Variants in C12orf42 observed in about 807,000 individuals in gnomAD.
The protein encoded by C12orf42 is chromosome 12 open reading frame 42, also known as uncharacterized protein C12orf42.
In C12orf42, 25 loss-of-function variants were observed where a neutral mutation model predicts 21.6. The ratio of observed to expected loss-of-function variants is 1.16; its 90% CI spans 0.84 to 1.62. The LOEUF (loss-of-function observed/expected upper bound fraction) is 1.62, where lower values mean the gene tolerates loss of function less well. Ranked by LOEUF, C12orf42 falls within the 40% of genes most tolerant of loss-of-function variation. The pLI, the probability that C12orf42 is intolerant of heterozygous loss-of-function variation, is 0.00. For missense variants in C12orf42, 483 were observed against 459.3 expected, an observed-to-expected ratio of 1.05 and a Z score of -0.47; for synonymous variants, 174 against 175.0, an observed-to-expected ratio of 0.99 and a Z score of 0.05.
chr12:103,078,519 C>G, the C12orf42 span, among the ~76,000 whole-genome samples: 1 of 152,176 alleles, frequency 6.6e-6, no homozygotes, highest in Non-Finnish European at 1.5e-5. Context: ...ATCTTTATCT[C>G]TTGAGAGTTC....
At chr12:103,119,127 T>A in the C12orf42 span, among the ~76,000 whole-genome samples, 1 of 152,228 alleles carries the variant, frequency 6.6e-6, no homozygotes, top group African/African-American at 2.4e-5. Flanking sequence ...TATAGTTAAA[T>A]GGTTAGGAGC....
the C12orf42 span, among the ~76,000 whole-genome samples, chr12:103,230,042 C>A: frequency 6.6e-6 from 1 of 152,210 alleles, no homozygotes; most frequent in Non-Finnish European, 1.5e-5. Flanking sequence ...TGCTGCAAAA[C>A]AAATTATTGG....
chr12:103,306,515 G>A (rs2038347687), intron 4 of C12orf42, among the ~76,000 whole-genome samples, 170 bp from the exon 5 acceptor site: 1 of 152,140 alleles, frequency 6.6e-6, no homozygotes, highest in South Asian at 2.1e-4. Flanking sequence ...GAAGAAGAGG[G>A]GAGGGTCTGG....
chr12:103,127,635 T>A, the C12orf42 span, among the ~76,000 whole-genome samples: 1 of 152,136 alleles, frequency 6.6e-6, no homozygotes, highest in Non-Finnish European at 1.5e-5. Flanking sequence ...AGGACATATT[T>A]TGTTTGTCAC....
chr12:103,364,821 C>T (rs116393163), intron 4 of C12orf42, among the ~76,000 whole-genome samples: 8 of 151,864 alleles, frequency 5.3e-5, no homozygotes, highest in East Asian at 1.9e-4. Flanking sequence ...TAACAAGCAG[C>T]GAGATTGAAA....
At chr12:103,210,960 G>A in the C12orf42 span, among the ~76,000 whole-genome samples, 407 of 152,100 alleles carry the variant, frequency 2.7e-3, 1 homozygote, top group Non-Finnish European at 4.9e-3. Flanking sequence ...CATCCAGCCC[G>A]GATGACAAAG....
intron 3 of C12orf42, among the ~76,000 whole-genome samples, chr12:103,377,431 C>T (rs892949824): frequency 1.3e-5 from 2 of 152,006 alleles, no homozygotes; most frequent in African/African-American, 2.4e-5. Flanking sequence ...GGTCCCTCAC[C>T]GTCAGAATGG....
the C12orf42 span, among the ~76,000 whole-genome samples, chr12:103,163,602 A>G: frequency 6.6e-6 from 1 of 152,172 alleles, no homozygotes; most frequent in Non-Finnish European, 1.5e-5. Flanking sequence ...CCAATTAATT[A>G]AAAAACAAAA....
At chr12:103,237,006 T>C (rs973005705), downstream of C12orf42, among the ~76,000 whole-genome samples, 3 of 152,142 alleles carry the variant, frequency 2.0e-5, no homozygotes, top group Admixed American at 2.0e-4. Flanking sequence ...CTGCAAAAGG[T>C]GCATTAATAT....
At chr12:103,400,543 T>G (rs1313664753) in intron 3 of C12orf42, among the ~76,000 whole-genome samples, 1 of 152,226 alleles carries the variant, frequency 6.6e-6, no homozygotes, top group East Asian at 1.9e-4. Flanking sequence ...AACACCATAT[T>G]GCAGGTGCCT....
intron 4 of C12orf42, among the ~76,000 whole-genome samples, chr12:103,329,253 A>G (rs967324409): frequency 6.6e-6 from 1 of 152,182 alleles, no homozygotes; most frequent in African/African-American, 2.4e-5. Flanking sequence ...TGCAGGGGCC[A>G]TATGTTTCTA....
At chr12:103,543,202 A>G in the C12orf42 span, among the ~76,000 whole-genome samples, 1 of 152,250 alleles carries the variant, frequency 6.6e-6, no homozygotes, top group African/African-American at 2.4e-5. Flanking sequence ...GAACTGCAAC[A>G]GAAATGCATA....
At chr12:103,444,403 T>C (rs1951450412) in intron 2 of C12orf42, among the ~76,000 whole-genome samples, 1 of 152,158 alleles carries the variant, frequency 6.6e-6, no homozygotes, top group Admixed American at 6.6e-5. Flanking sequence ...ACATCATTTA[T>C]TGTATAATTC....
chr12:103,465,512 A>C (rs1953051052), intron 2 of C12orf42, among the ~76,000 whole-genome samples: 1 of 152,114 alleles, frequency 6.6e-6, no homozygotes, highest in African/African-American at 2.4e-5. Context: ...AAAATGATGG[A>C]GTTTTCTAGA....
At chr12:103,309,758 A>C (rs1281406421) in intron 4 of C12orf42, among the ~76,000 whole-genome samples, 1 of 152,198 alleles carries the variant, frequency 6.6e-6, no homozygotes, top group African/African-American at 2.4e-5. Flanking sequence ...GACTGTAAAA[A>C]CTTGTAGCAA....
chr12:103,468,897 T>C (rs1953359060), intron 2 of C12orf42, among the ~76,000 whole-genome samples: 1 of 152,214 alleles, frequency 6.6e-6, no homozygotes, highest in Non-Finnish European at 1.5e-5. Flanking sequence ...TTCATGGTAA[T>C]TTGTTAATGT....
At chr12:103,518,537 G>A in the C12orf42 span, among the ~76,000 whole-genome samples, 1 of 152,096 alleles carries the variant, frequency 6.6e-6, no homozygotes, top group Non-Finnish European at 1.5e-5. Flanking sequence ...TCTTATATGG[G>A]TGGTCCCAAC....
intron 2 of C12orf42, among the ~76,000 whole-genome samples, chr12:103,468,493 C>T (rs1248677123): frequency 1.3e-5 from 2 of 152,180 alleles, no homozygotes; most frequent in African/African-American, 2.4e-5. Context: ...ATAATACATA[C>T]AAGTTGTAGC....
rs140175403 is a variant in C12orf42, at chr12:103,444,396, T to A, written c.78+33953A>T. Reference sequence around the variant, plus strand: ...AGTAAAATTAGAAGCATTTTAAACATCATTTATTGTATAATTCTGTCATCA... The same window carrying A: ...AGTAAAATTAGAAGCATTTTAAACAACATTTATTGTATAATTCTGTCATCA... On this transcript the variant is annotated intron_variant, in intron 2 of 5. Coordinates refer to ENST00000548883, the MANE Select transcript of C12orf42 (RefSeq NM_198521.5). Among the ~76,000 whole-genome samples, 834 of 152,242 alleles carry A rather than the reference T, an allele frequency of 5.5e-3. 10 individuals are homozygous for A. Among genetic ancestry groups the A allele is most frequent in the African/African-American group, 0.019 (788 of 41,572 alleles).
Sources: gnomAD v4.1 joint callset for allele counts (sites outside exome capture counted in the v4.1 genomes callset) on GRCh38, gnomAD v4.1.1 for gene constraint, MANE v1.5 for transcripts, NCBI Gene and HGNC (gene_info 2026-07-23, HGNC 2026-07-21) for gene names.